The following USP7 variants were observed in gnomAD, a reference collection of about 807,000 sequenced individuals.
USP7 encodes ubiquitin specific peptidase 7.
In USP7, 9 loss-of-function variants were observed where a neutral mutation model predicts 162.9. That is an observed-to-expected ratio of 0.06 (90% confidence interval 0.03 to 0.10). USP7 has a LOEUF of 0.10. Ranked by LOEUF, USP7 falls within the 10% of genes least tolerant of loss-of-function variation. USP7 has a pLI of 1.00. For synonymous variants in USP7, 562 were observed against 475.9 expected (o/e 1.18, Z -2.35); for missense variants, 715 against 1,373.7 (o/e 0.52, Z 7.58).
intron 12 of USP7, among the ~76,000 whole-genome samples, chr16:8,908,066 C>T (rs932568044): frequency 6.6e-6 from 1 of 152,148 alleles, no homozygotes; most frequent in African/African-American, 2.4e-5. Flanking sequence ...GAAACAGCCC[C>T]ATCCTTGTGG....
chr16:8,922,254 C>T (rs756274054), intron 3 of USP7, among the ~76,000 whole-genome samples: 15 of 152,276 alleles, frequency 9.9e-5, no homozygotes, highest in Middle Eastern at 3.4e-3. Context: ...TTTGGCAGGC[C>T]GAGACAGGCA....
chr16:8,895,146 A>G lies in USP7; in HGVS notation c.2924T>C (p.Ile975Thr), dbSNP rs1315313550. ...GTCTATGTCCACCTGGTCCAAAGGG[A>G]TTTCCTGGGGACACGGACAACAGAC... ...ATSRTFRIEE[I>T]PLDQVDIDKE... Residue 975 changes from isoleucine (I) to threonine (T), a missense_variant, in exon 28 of 31, where the codon ATC (isoleucine) becomes ACC (threonine). Around this residue, in one of 11 missense-constraint regions of USP7, gnomAD observed 222 missense variants for 441.7 expected, o/e 0.50. Transcript: ENST00000344836. 1 of 1,614,184 alleles carries G rather than the reference A, an allele frequency of 6.2e-7. No homozygotes were observed. Among genetic ancestry groups the G allele is most frequent in the South Asian group, 1.1e-5 (1 of 91,086 alleles).
chr16:8,912,277 C>T (rs1251449718), intron 10 of USP7, among the ~76,000 whole-genome samples: 1 of 151,884 alleles, frequency 6.6e-6, no homozygotes, highest in East Asian at 1.9e-4. Context: ...CATGGTGAAA[C>T]CCCGTCTCTA....
At position 8,910,787 on chromosome 16, in the gene USP7, G is replaced by A. The variant is rs757176466; in HGVS notation, c.1119C>T (p.Leu373=). The A allele has an allele frequency of 1.3e-5, 21 of 1,613,968 alleles. No homozygotes were observed. Among genetic ancestry groups the A allele is most frequent in the African/African-American group, 2.7e-5 (2 of 74,898 alleles). ...SFVDYVAVEQ[L]DGDNKYDAGE... Reference sequence around the variant, plus strand: ...CAGCGTCGTATTTATTGTCCCCATCGAGCTGTTCTACTGCCACATAATCCA... The same window carrying A: ...CAGCGTCGTATTTATTGTCCCCATCAAGCTGTTCTACTGCCACATAATCCA... Residue 373 remains leucine, a synonymous_variant, in exon 11 of 31, where the codon CTC becomes CTT. Transcript: ENST00000344836.
intron 1 of USP7, among the ~76,000 whole-genome samples, chr16:8,946,308 C>T (rs894526803): frequency 1.3e-5 from 2 of 152,040 alleles, no homozygotes; most frequent in African/African-American, 4.8e-5. Context: ...TGGCAGGCGG[C>T]GGTGGCTTAA....
intron 1 of USP7, among the ~76,000 whole-genome samples, chr16:8,937,100 T>A (rs955297328): frequency 2.0e-5 from 3 of 152,124 alleles, no homozygotes; most frequent in Non-Finnish European, 2.9e-5. Flanking sequence ...ATAATTGATG[T>A]AAGTGAAAAA....
chr16:8,904,340 G>A, intron 15 of USP7, 95 bp downstream of exon 15: 2 of 1,547,198 alleles, frequency 1.3e-6, no homozygotes, highest in Non-Finnish European at 1.7e-6. Flanking sequence ...GGTGACCTGG[G>A]AGTCCCAGAG....
In USP7 at chr16:8,894,790, A is replaced by C. The variant is rs1319795215; in HGVS notation, c.3105T>G (p.Phe1035Leu). Residue 1035 changes from phenylalanine (F) to leucine (L), a missense_variant, in exon 29 of 31, where the codon TTT (phenylalanine) becomes TTG (leucine). Phe to Leu is a conservative substitution (Grantham distance 22). Around this residue, in one of 11 missense-constraint regions of USP7, gnomAD observed 222 missense variants for 441.7 expected, o/e 0.50. Transcript: ENST00000344836. ...QSLLDIQEKE[F>L]EKFKFAIVMM... The stretch of plus-strand genomic sequence containing the variant: ...GGAGGCCCCAGCTGCACACCTTCTC[A>C]AACTCCTTCTCCTGGATGTCCAGCA... 2 of 1,614,206 alleles carry C rather than the reference A, an allele frequency of 1.2e-6. No homozygotes were observed. Among genetic ancestry groups the C allele is most frequent in the Non-Finnish European group, 8.5e-7 (1 of 1,180,032 alleles).
At chr16:8,961,507 G>GA (rs1276811627) in intron 1 of USP7, among the ~76,000 whole-genome samples, 3 of 132,142 alleles carry the variant, frequency 2.3e-5, no homozygotes, top group Non-Finnish European at 4.9e-5. Flanking sequence ...AAAAAAAAGG[G>GA]GGGGGGGGGC....
intron 1 of USP7, among the ~76,000 whole-genome samples, chr16:8,940,801 G>A (rs771410773): frequency 4.6e-5 from 7 of 152,118 alleles, no homozygotes; most frequent in Admixed American, 2.6e-4. Flanking sequence ...AATATTAGCC[G>A]GACATGGTGG....
Position 8,906,680 on chromosome 16 carries a change from T to C in USP7, c.1272-98A>G, listed in dbSNP as rs1184674656. 6.5e-6 allele frequency: 8 copies of C among 1,237,372 alleles called. No homozygotes were observed. In the Admixed American group the frequency reaches 7.2e-5, roughly 11 times the overall value. 76.6% of individuals were successfully genotyped at this position (1,237,372 alleles called of 1,614,324 possible). A position where few individuals can be genotyped will look rare whatever the true frequency, so the allele number is the denominator to read the frequency against. On this transcript the variant is annotated intron_variant, in intron 12 of 30. Transcript: ENST00000344836. ...GCCATTTAATGTACTGGCTCATCTTTAATAGGATAAGCATGAATTGCCTTG... is the reference window on the plus strand; with the variant it reads ...GCCATTTAATGTACTGGCTCATCTTCAATAGGATAAGCATGAATTGCCTTG...
intron 26 of USP7, 70 bp downstream of exon 26, chr16:8,896,929 C>CAACT (rs1334342435): frequency 8.4e-7 from 1 of 1,193,678 alleles, no homozygotes; most frequent in Non-Finnish European, 1.2e-6. Context: ...TCCACCAACG[C>CAACT]AACTGCAGAG....
chr16:8,908,847 A>C (rs551890617), intron 11 of USP7, among the ~76,000 whole-genome samples: 1 of 152,374 alleles, frequency 6.6e-6, no homozygotes, highest in East Asian at 1.9e-4. Context: ...CTCTGGTTAC[A>C]ATTACCCAAG....
intron 13 of USP7, 135 bp from the exon 14 acceptor site, chr16:8,905,466 A>AT: frequency 9.4e-7 from 1 of 1,068,298 alleles, no homozygotes; most frequent in Non-Finnish European, 1.4e-6. Context: ...GTGTGTTCTT[A>AT]TACAGGCACA....
At chr16:8,897,521 C>G (rs896197882) in intron 25 of USP7, among the ~76,000 whole-genome samples, 1 of 151,358 alleles carries the variant, frequency 6.6e-6, no homozygotes, top group African/African-American at 2.4e-5. Flanking sequence ...CGAATTTTCC[C>G]TCTATACTTG....
chr16:8,941,869 G>A (rs2141250211), intron 1 of USP7, among the ~76,000 whole-genome samples: 1 of 152,280 alleles, frequency 6.6e-6, no homozygotes, highest in East Asian at 1.9e-4. Context: ...CACGCCTCCT[G>A]GTCTCCTGGT....
chr16:8,934,229 G>C (rs868588477), intron 1 of USP7, among the ~76,000 whole-genome samples: 1 of 152,214 alleles, frequency 6.6e-6, no homozygotes, highest in African/African-American at 2.4e-5. Context: ...TCACATGTAA[G>C]TGTAAGCAGT....
intron 10 of USP7, 27 bp from the exon 11 acceptor site, chr16:8,910,854 A>G: frequency 1.3e-6 from 2 of 1,584,470 alleles, no homozygotes; most frequent in South Asian, 1.1e-5. Context: ...AGAAAAGTCA[A>G]GTGCTAAAGC....
Position 8,915,314 on chromosome 16 carries a change from G to T in USP7, c.1018C>A (p.Arg340=). The T allele has an allele frequency of 1.2e-6, 2 of 1,612,926 alleles. No homozygotes were observed. The highest frequency in any genetic ancestry group is 1.7e-6 in the Non-Finnish European group (2 of 1,179,758). ...TAATAATCTTCTCTTCTATCAGACC[G>T]ATAGTCTACTTCTTTACACTGGATA... is the stretch of plus-strand genomic sequence containing the variant. ...SYIQCKEVDY[R]SDRREDYYDI... Residue 340 remains arginine (R), a synonymous_variant, in exon 10 of 31, where the codon CGG becomes AGG. Coordinates refer to ENST00000344836, the MANE Select transcript of USP7 (RefSeq NM_003470.3).
Sources: gnomAD v4.1 joint callset for allele counts (sites outside exome capture counted in the v4.1 genomes callset) on GRCh38, gnomAD v4.1.1 for gene constraint, gnomAD v4.1.1 regional missense constraint, MANE v1.5 for transcripts, NCBI Gene and HGNC (gene_info 2026-07-23, HGNC 2026-07-21) for gene names.